The following TDRP variants were observed in gnomAD, a reference collection of about 807,000 sequenced individuals.
The protein encoded by TDRP is testis development-related protein.
A neutral mutation model predicts 10.5 loss-of-function variants in TDRP; 12 were observed. That is an observed-to-expected ratio of 1.15 (90% CI 0.73 to 1.86). The LOEUF is 1.86. TDRP is among the 40% of genes most tolerant of loss of function. TDRP has a pLI of 0.00. For missense variants in TDRP, 353 were observed against 229.2 expected (o/e 1.54, Z -3.49); for synonymous variants, 139 against 95.4 (o/e 1.46, Z -2.67).
chr8:502,793 C>A (rs552049424), intron 1 of TDRP, among the ~76,000 whole-genome samples: 1 of 150,972 alleles, frequency 6.6e-6, no homozygotes, highest in African/African-American at 2.5e-5. Context: ...GAGCCATACA[C>A]TGGAACCAAT....
intron 1 of TDRP, among the ~76,000 whole-genome samples, chr8:511,968 T>A (rs141674917): frequency 6.6e-6 from 1 of 151,704 alleles, no homozygotes; most frequent in Non-Finnish European, 1.5e-5. Flanking sequence ...AAAAAAGATA[T>A]CAAATCAATA....
At chr8:501,005 G>C (rs917531902) in intron 1 of TDRP, among the ~76,000 whole-genome samples, 1 of 152,146 alleles carries the variant, frequency 6.6e-6, no homozygotes, top group African/African-American at 2.4e-5. Flanking sequence ...AGGAGATCGA[G>C]ACCATCCTGG....
chr8:501,554 C>T (rs13253796), intron 1 of TDRP, among the ~76,000 whole-genome samples: 2 of 152,062 alleles, frequency 1.3e-5, no homozygotes, highest in African/African-American at 2.4e-5. Flanking sequence ...ACTATGTTGG[C>T]CCGGCTGGTC....
At chr8:522,297 A>G (rs886197986) in intron 1 of TDRP, among the ~76,000 whole-genome samples, 1 of 152,206 alleles carries the variant, frequency 6.6e-6, no homozygotes, top group African/African-American at 2.4e-5. Flanking sequence ...AACAGGAATT[A>G]AAAGAAATTA....
chr8:542,604 C>A (rs908752148), intron 1 of TDRP, among the ~76,000 whole-genome samples: 1 of 152,136 alleles, frequency 6.6e-6, no homozygotes. Flanking sequence ...GTGGCTCACG[C>A]CTGTAATCCC....
intron 1 of TDRP, among the ~76,000 whole-genome samples, chr8:506,232 G>A (rs530372976): frequency 1.3e-5 from 2 of 152,216 alleles, no homozygotes; most frequent in Admixed American, 1.3e-4. Context: ...CATAGTAAGT[G>A]AAGAAATATC....
chr8:498,587 T>C (rs1240410381), intron 1 of TDRP, among the ~76,000 whole-genome samples: 1 of 152,236 alleles, frequency 6.6e-6, no homozygotes, highest in Non-Finnish European at 1.5e-5. Flanking sequence ...GATGAGACTT[T>C]GGATTTGACT....
chr8:526,742 T>C (rs1408950197), intron 1 of TDRP, among the ~76,000 whole-genome samples: 2 of 152,156 alleles, frequency 1.3e-5, no homozygotes, highest in African/African-American at 4.8e-5. Flanking sequence ...TCCCTTCTCC[T>C]CTATTTTTCA....
chr8:512,031 A>G (rs1442381169), intron 1 of TDRP, among the ~76,000 whole-genome samples: 1 of 152,178 alleles, frequency 6.6e-6, no homozygotes, highest in Non-Finnish European at 1.5e-5. Flanking sequence ...AACCTAAAGG[A>G]AGCAAAAGGT....
rs1267203008 is a variant in TDRP at position 490,604 on chromosome 8, T to C, written c.*1795A>G. 1 of 152,212 alleles carries C rather than the reference T, an allele frequency of 6.6e-6. No homozygotes were observed. Among genetic ancestry groups the C allele is most frequent in the Non-Finnish European group, 1.5e-5 (1 of 68,044 alleles). The allele number at this position is 152,212 out of a possible 1,614,324, so 9.4% of individuals were successfully genotyped here. ...ACCTACACTGACTTCCGCTGGAAAGTATTTGCAGAAGTCATGAAATGGTGT... is the reference window on the plus strand; with the variant it reads ...ACCTACACTGACTTCCGCTGGAAAGCATTTGCAGAAGTCATGAAATGGTGT... On this transcript the variant is annotated 3_prime_UTR_variant, in exon 3 of 3. Transcript: ENST00000324079.
At chr8:538,365 A>C (rs1802399037) in intron 1 of TDRP, among the ~76,000 whole-genome samples, 1 of 152,188 alleles carries the variant, frequency 6.6e-6, no homozygotes, top group Non-Finnish European at 1.5e-5. Flanking sequence ...GTCCTGACTA[A>C]AGCTGGGTCA....
At chr8:495,503 A>G (rs890462749) in intron 1 of TDRP, among the ~76,000 whole-genome samples, 1 of 152,154 alleles carries the variant, frequency 6.6e-6, no homozygotes, top group African/African-American at 2.4e-5. Flanking sequence ...AATTAATACC[A>G]TCTTGGATAC....
At position 491,557 on chromosome 8, in the gene TDRP, TAAA is replaced by T; in HGVS notation, c.*839_*841del. ...TGCAAGAACAAACATATGAGCCTAA[TAAA>T]AAAGAGGCACTTCAGTATTTTATGC... On this transcript the variant is annotated 3_prime_UTR_variant, in exon 3 of 3. Coordinates refer to ENST00000324079, the MANE Select transcript of TDRP (RefSeq NM_001384899.1). 8 of 1,468,576 alleles carry T rather than the reference TAAA, an allele frequency of 5.4e-6. No homozygotes were observed. Among genetic ancestry groups the T allele is most frequent in the Non-Finnish European group, 7.2e-6 (8 of 1,111,236 alleles). 91.0% of individuals were successfully genotyped at this position (1,468,576 alleles called of 1,614,324 possible).
intron 1 of TDRP, among the ~76,000 whole-genome samples, chr8:542,933 G>A (rs141763677): frequency 2.6e-5 from 4 of 151,822 alleles, no homozygotes; most frequent in African/African-American, 9.7e-5. Context: ...CGAAGGCACT[G>A]CCAGCAATTG....
intron 1 of TDRP, among the ~76,000 whole-genome samples, chr8:535,108 T>C (rs549714177): frequency 1.3e-5 from 2 of 152,194 alleles, no homozygotes; most frequent in African/African-American, 4.8e-5. Flanking sequence ...TGTACTTCCA[T>C]CTGAAAGATT....
At chr8:509,744 G>A (rs1009554593) in intron 1 of TDRP, among the ~76,000 whole-genome samples, 12 of 152,142 alleles carry the variant, frequency 7.9e-5, no homozygotes, top group African/African-American at 2.2e-4. Context: ...GCTACTTAAC[G>A]CAAATTTCTG....
At chr8:493,482 TG>T (rs1344912228) in intron 2 of TDRP, among the ~76,000 whole-genome samples, 2 of 152,246 alleles carry the variant, frequency 1.3e-5, no homozygotes, top group Non-Finnish European at 2.9e-5. Flanking sequence ...TGCACAGAAG[TG>T]CAGAGAAGCA....
rs1217329706 is a variant in TDRP at position 491,122 on chromosome 8, C to G, written c.*1277G>C. ...ATAACACTGCAGTGTGTTCTGCCATCAGGCACACTCAGTTATTCCACAGGA... is the reference window on the plus strand; with the variant it reads ...ATAACACTGCAGTGTGTTCTGCCATGAGGCACACTCAGTTATTCCACAGGA... On this transcript the variant is annotated 3_prime_UTR_variant, in exon 3 of 3. Transcript: ENST00000324079. 1 of 152,630 alleles carries G rather than the reference C, an allele frequency of 6.6e-6. No homozygotes were observed. Among genetic ancestry groups the G allele is most frequent in the Non-Finnish European group, 1.5e-5 (1 of 68,348 alleles). 9.5% of individuals were successfully genotyped at this position (152,630 alleles called of 1,614,324 possible).
chr8:494,178 G>A (rs867617206), intron 2 of TDRP, among the ~76,000 whole-genome samples: 5 of 151,540 alleles, frequency 3.3e-5, no homozygotes, highest in Admixed American at 2.0e-4. Context: ...GGCCAGGCTG[G>A]TCTTGAACTC....
Sources: allele counts gnomAD v4.1 joint callset (sites outside exome capture counted in the v4.1 genomes callset), GRCh38; gene constraint gnomAD v4.1.1; transcripts MANE v1.5; gene names NCBI Gene and HGNC (gene_info 2026-07-23, HGNC 2026-07-21).